Variants in PCDH7 observed in about 807,000 individuals in gnomAD.
PCDH7 encodes the protein protocadherin 7, also known as protocadherin-7.
In PCDH7, 17 loss-of-function variants were observed where a neutral mutation model predicts 58.9. That is an observed-to-expected ratio of 0.29 (90% CI 0.20 to 0.43). PCDH7 has a LOEUF of 0.43. Ranked by LOEUF, PCDH7 falls within the 20% of genes least tolerant of loss-of-function variation. The pLI is 1.00. For missense variants in PCDH7, 1,274 were observed against 1,441.0 expected (o/e 0.88, Z 1.88); for synonymous variants, 664 against 616.4 (o/e 1.08, Z -1.14).
intron 3 of PCDH7, among the ~76,000 whole-genome samples, chr4:31,106,506 T>C (rs1012382574): frequency 6.6e-6 from 1 of 152,214 alleles, no homozygotes; most frequent in Non-Finnish European, 1.5e-5. Flanking sequence ...CCTTTGTTGA[T>C]GAAAAGGAGG....
chr4:31,040,465 C>A (rs1394984260), intron 3 of PCDH7, among the ~76,000 whole-genome samples: 1 of 152,156 alleles, frequency 6.6e-6, no homozygotes, highest in East Asian at 1.9e-4. Context: ...AAATTATATT[C>A]ACTTAAAATT....
intron 3 of PCDH7, among the ~76,000 whole-genome samples, chr4:31,120,933 T>G (rs2109323434): frequency 6.6e-6 from 1 of 152,360 alleles, no homozygotes; most frequent in African/African-American, 2.4e-5. Context: ...AGGCATGGAA[T>G]AATCAATTCC....
At chr4:30,940,711 G>A (rs1330855792) in intron 2 of PCDH7, among the ~76,000 whole-genome samples, 1 of 151,926 alleles carries the variant, frequency 6.6e-6, no homozygotes, top group Non-Finnish European at 1.5e-5. Flanking sequence ...GAAGGAACAG[G>A]TCCTTTACGT....
At chr4:31,117,758 T>C (rs1365182288) in intron 3 of PCDH7, among the ~76,000 whole-genome samples, 3 of 152,156 alleles carry the variant, frequency 2.0e-5, no homozygotes, top group Admixed American at 2.0e-4. Flanking sequence ...TTATCTGTCA[T>C]CCAATACTGA....
chr4:30,859,423 G>C (rs2109352929), intron 1 of PCDH7, among the ~76,000 whole-genome samples: 1 of 151,686 alleles, frequency 6.6e-6, no homozygotes, highest in Non-Finnish European at 1.5e-5. Context: ...ATCAGAGAAA[G>C]CTCTAATTCT....
At chr4:31,117,221 T>G (rs576758096) in intron 3 of PCDH7, among the ~76,000 whole-genome samples, 3 of 152,190 alleles carry the variant, frequency 2.0e-5, no homozygotes, top group Non-Finnish European at 4.4e-5. Context: ...GTTTTAAAAT[T>G]TTTAGCAACT....
At chr4:30,906,054 A>G (rs551620907) in intron 1 of PCDH7, among the ~76,000 whole-genome samples, 2 of 152,300 alleles carry the variant, frequency 1.3e-5, no homozygotes, top group East Asian at 3.9e-4. Flanking sequence ...AAACCTTGCC[A>G]TTTCTGTGCT....
At chr4:31,118,988 T>C (rs1472843137) in intron 3 of PCDH7, among the ~76,000 whole-genome samples, 2 of 152,174 alleles carry the variant, frequency 1.3e-5, no homozygotes, top group South Asian at 2.1e-4. Flanking sequence ...AGGTAGATAA[T>C]GTAAAATGTG....
intron 3 of PCDH7, among the ~76,000 whole-genome samples, chr4:31,078,083 C>G (rs1438957817): frequency 6.6e-6 from 1 of 152,106 alleles, no homozygotes; most frequent in East Asian, 1.9e-4. Flanking sequence ...TGTGATCTAA[C>G]AGTGAGAATC....
chr4:31,052,975 C>A (rs1192935517), intron 3 of PCDH7, among the ~76,000 whole-genome samples: 2 of 152,048 alleles, frequency 1.3e-5, no homozygotes, highest in Non-Finnish European at 2.9e-5. Flanking sequence ...GGTGTGACTG[C>A]TATCTATTCG....
intron 3 of PCDH7, among the ~76,000 whole-genome samples, chr4:31,135,507 A>G (rs1360838650): frequency 1.3e-5 from 2 of 152,202 alleles, no homozygotes; most frequent in East Asian, 3.8e-4. Flanking sequence ...CACAGACTCT[A>G]TCAGCATAAA....
intron 1 of PCDH7, among the ~76,000 whole-genome samples, chr4:30,785,460 A>C (rs1723272976): frequency 6.6e-6 from 1 of 152,036 alleles, no homozygotes; most frequent in Non-Finnish European, 1.5e-5. Flanking sequence ...ATATATATTA[A>C]TTTTTAAAGC....
At chr4:30,930,377 T>G (rs987776457) in intron 2 of PCDH7, among the ~76,000 whole-genome samples, 1 of 152,218 alleles carries the variant, frequency 6.6e-6, no homozygotes, top group Non-Finnish European at 1.5e-5. Context: ...TAAGATATCC[T>G]GTACTTAAGG....
intron 1 of PCDH7, among the ~76,000 whole-genome samples, chr4:30,749,821 T>G (rs1718269208): frequency 6.6e-6 from 1 of 152,114 alleles, no homozygotes; most frequent in Admixed American, 6.6e-5. Context: ...ACAATGAAAA[T>G]TAGATTATGA....
chr4:31,044,440 AT>A (rs1252852577), intron 3 of PCDH7, among the ~76,000 whole-genome samples: 5 of 152,030 alleles, frequency 3.3e-5, no homozygotes, highest in Non-Finnish European at 5.9e-5. Flanking sequence ...CTCCCTTTTC[AT>A]TTTTTTAAGT....
intron 1 of PCDH7, among the ~76,000 whole-genome samples, chr4:30,880,115 T>G (rs1212776368): frequency 3.9e-5 from 6 of 152,084 alleles, no homozygotes. Flanking sequence ...TAGGATGAAT[T>G]TTAACTTCTT....
At chr4:30,910,733 T>C (rs933211382) in intron 1 of PCDH7, among the ~76,000 whole-genome samples, 1 of 152,182 alleles carries the variant, frequency 6.6e-6, no homozygotes, top group Non-Finnish European at 1.5e-5. Context: ...GTTCAACCAT[T>C]CTGGAAGACA....
chr4:30,973,176 A>G (rs1037196449), intron 3 of PCDH7, among the ~76,000 whole-genome samples: 1 of 152,222 alleles, frequency 6.6e-6, no homozygotes, highest in African/African-American at 2.4e-5. Context: ...GATTTCTGAT[A>G]TAGAGATAGA....
intron 3 of PCDH7, among the ~76,000 whole-genome samples, chr4:31,127,670 TC>T (rs1718462528): frequency 6.6e-6 from 1 of 152,184 alleles, no homozygotes; most frequent in Non-Finnish European, 1.5e-5. Flanking sequence ...ACATTAGATT[TC>T]CTGAAGTGGT....
Sources: allele counts gnomAD v4.1 joint callset (sites outside exome capture counted in the v4.1 genomes callset), GRCh38; gene constraint gnomAD v4.1.1; transcripts MANE v1.5; gene names NCBI Gene and HGNC (gene_info 2026-07-23, HGNC 2026-07-21).